The following LRRTM4 variants were observed in gnomAD, a reference collection of about 807,000 sequenced individuals.
LRRTM4 encodes leucine rich repeat transmembrane neuronal 4, also known as leucine-rich repeat transmembrane neuronal protein 4.
In LRRTM4, 25 loss-of-function variants were observed where a neutral mutation model predicts 47.6. The ratio of observed to expected loss-of-function variants is 0.53; its 90% CI spans 0.38 to 0.73. LRRTM4 has a LOEUF of 0.73. LRRTM4 is among the 30% of genes least tolerant of loss of function. LRRTM4 has a pLI of 0.00. For missense variants in LRRTM4, 638 were observed against 713.4 expected, an observed-to-expected ratio of 0.89 and a Z score of 1.20; for synonymous variants, 311 against 269.5, an observed-to-expected ratio of 1.15 and a Z score of -1.51.
intron 3 of LRRTM4, among the ~76,000 whole-genome samples, chr2:77,093,333 C>T (rs1298438055): frequency 7.3e-5 from 11 of 149,684 alleles, no homozygotes; most frequent in Non-Finnish European, 1.0e-4. Flanking sequence ...TGTCCTGAGT[C>T]GTCCCAATTC....
chr2:76,944,602 A>C (rs1294770500), intron 3 of LRRTM4, among the ~76,000 whole-genome samples: 1 of 152,110 alleles, frequency 6.6e-6, no homozygotes, highest in Admixed American at 6.5e-5. Context: ...AAGGAGGTTC[A>C]TCTATAGAGA....
intron 3 of LRRTM4, among the ~76,000 whole-genome samples, chr2:77,249,234 C>A (rs956073552): frequency 2.6e-5 from 4 of 151,982 alleles, no homozygotes; most frequent in Admixed American, 2.0e-4. Flanking sequence ...CCTGTAATCC[C>A]AGCTACTCAG....
At chr2:77,039,011 A>T (rs1678936267) in intron 3 of LRRTM4, among the ~76,000 whole-genome samples, 1 of 151,378 alleles carries the variant, frequency 6.6e-6, no homozygotes, top group Admixed American at 6.6e-5. Flanking sequence ...AGACCTCTAA[A>T]AACCCCCTTC....
intron 3 of LRRTM4, among the ~76,000 whole-genome samples, chr2:77,092,897 G>A (rs1056012192): frequency 2.7e-5 from 4 of 146,776 alleles, no homozygotes; most frequent in Non-Finnish European, 4.4e-5. Flanking sequence ...TGGACTAAAG[G>A]TCTTTTAAAA....
At chr2:77,298,276 G>T (rs1377040821) in intron 3 of LRRTM4, among the ~76,000 whole-genome samples, 1 of 152,092 alleles carries the variant, frequency 6.6e-6, no homozygotes, top group African/African-American at 2.4e-5. Context: ...TCGCTCTGTC[G>T]CCCAGGCTGG....
At chr2:77,227,851 G>GACTT (rs1253835235) in intron 3 of LRRTM4, among the ~76,000 whole-genome samples, 2 of 151,852 alleles carry the variant, frequency 1.3e-5, no homozygotes, top group Admixed American at 6.6e-5. Context: ...TTAAAATATG[G>GACTT]TTATACTTTC....
intron 3 of LRRTM4, among the ~76,000 whole-genome samples, chr2:77,154,500 G>C (rs1573015427): frequency 6.6e-6 from 1 of 151,874 alleles, no homozygotes; most frequent in East Asian, 1.9e-4. Flanking sequence ...TAGGAAAATG[G>C]GCACTTTCTA....
intron 3 of LRRTM4, among the ~76,000 whole-genome samples, chr2:76,966,830 T>A (rs1160456912): frequency 6.6e-6 from 1 of 151,490 alleles, no homozygotes; most frequent in Non-Finnish European, 1.5e-5. Context: ...TTAATAACAT[T>A]CTCTGTGGAT....
chr2:76,899,484 C>G (rs996512832), intron 3 of LRRTM4, among the ~76,000 whole-genome samples: 2 of 151,822 alleles, frequency 1.3e-5, no homozygotes, highest in East Asian at 1.9e-4. Flanking sequence ...GATATTTGAA[C>G]AAAGAATAGA....
intron 3 of LRRTM4, among the ~76,000 whole-genome samples, chr2:76,907,056 A>C (rs1436441049): frequency 6.6e-5 from 10 of 152,156 alleles, no homozygotes; most frequent in East Asian, 1.9e-4. Flanking sequence ...TTCAGCACCA[A>C]ACCACACCTA....
chr2:76,902,147 A>C (rs1212676944), intron 3 of LRRTM4, among the ~76,000 whole-genome samples: 3 of 152,268 alleles, frequency 2.0e-5, no homozygotes, highest in African/African-American at 7.2e-5. Context: ...AGCCCACTTA[A>C]CTATATCTAT....
intron 3 of LRRTM4, among the ~76,000 whole-genome samples, chr2:77,026,950 C>A (rs2104122430): frequency 6.6e-6 from 1 of 152,092 alleles, no homozygotes; most frequent in African/African-American, 2.4e-5. Context: ...TTAATTAAAG[C>A]CAAGCAAAGA....
intron 3 of LRRTM4, chr2:77,517,891 A>G: frequency 2.0e-6 from 2 of 988,440 alleles, no homozygotes; most frequent in Non-Finnish European, 2.4e-6. Context: ...AATCTTCATT[A>G]CCTTCTGGAA....
intron 3 of LRRTM4, among the ~76,000 whole-genome samples, chr2:76,849,027 CTT>C (rs894693199): frequency 6.9e-4 from 105 of 152,228 alleles, no homozygotes; most frequent in African/African-American, 2.1e-3. Flanking sequence ...TCTCTCCTCT[CTT>C]TTTCTTTCTC....
At position 77,518,471 on chromosome 2, in the gene LRRTM4, C is replaced by A; in HGVS notation, c.1398G>T (p.Arg466=). 6.2e-7 allele frequency: 1 copy of A among 1,613,372 alleles called. No homozygotes were observed. The highest frequency in any genetic ancestry group is 2.2e-5 in the East Asian group (1 of 44,834). Residue 466 remains arginine (R), a synonymous_variant, in exon 3 of 4, where the codon CGG becomes CGT. Transcript: ENST00000409884. The part of the protein sequence containing the change: ...QLQQHSLMKR[R]RKKARESERQ... ...TTTCAGACTCTCTGGCCTTTTTCCG[C>A]CGCCTCTTCATAAGAGAGTGTTGCT...
chr2:77,084,343 G>T (rs1358787596), intron 3 of LRRTM4, among the ~76,000 whole-genome samples: 1 of 152,160 alleles, frequency 6.6e-6, no homozygotes, highest in Non-Finnish European at 1.5e-5. Flanking sequence ...GCACTGAAGG[G>T]TGATGAGATG....
intron 3 of LRRTM4, among the ~76,000 whole-genome samples, chr2:77,293,068 T>G (rs1289152177): frequency 2.0e-5 from 3 of 152,022 alleles, no homozygotes; most frequent in African/African-American, 4.8e-5. Context: ...GCTTGTATAC[T>G]TGATAGCTTC....
At chr2:76,815,754 A>C (rs1454075128) in intron 3 of LRRTM4, among the ~76,000 whole-genome samples, 1 of 152,120 alleles carries the variant, frequency 6.6e-6, no homozygotes. Flanking sequence ...CAGGTAACAT[A>C]AAGTAAATAT....
chr2:76,805,251 T>C lies in LRRTM4; in HGVS notation c.1552-56335A>G, dbSNP rs1322253216. Among the ~76,000 whole-genome samples, 4 of 152,200 alleles carry C rather than the reference T, an allele frequency of 2.6e-5. No individual in the cohort carries two copies. The East Asian group carries it at 7.7e-4, about 29-fold the overall frequency. ...AAAAAATTGTGTACAAACATCCCAA[T>C]TGAGATGGCCAGGGGAAAGGTACAT... On this transcript the variant is annotated intron_variant, in intron 3 of 3. Coordinates refer to ENST00000409884, the MANE Select transcript of LRRTM4 (RefSeq NM_001134745.3).
Sources: gnomAD v4.1 joint callset for allele counts (sites outside exome capture counted in the v4.1 genomes callset) on GRCh38, gnomAD v4.1.1 for gene constraint, MANE v1.5 for transcripts, NCBI Gene and HGNC (gene_info 2026-07-23, HGNC 2026-07-21) for gene names.